STAT4: variants seen among roughly 807,000 people sequenced by gnomAD.
STAT4 encodes signal transducer and activator of transcription 4.
A neutral mutation model predicts 110.5 loss-of-function variants in STAT4; 42 were observed. The observed-to-expected ratio is 0.38, with a 90% CI of 0.30 to 0.49. The LOEUF (loss-of-function observed/expected upper bound fraction) is 0.49, where lower values mean the gene tolerates loss of function less well. Ranked by LOEUF, STAT4 falls within the 20% of genes least tolerant of loss-of-function variation. STAT4 has a pLI of 0.95. For missense variants in STAT4, 632 were observed against 887.9 expected (o/e 0.71, Z 3.66); for synonymous variants, 284 against 302.2 (o/e 0.94, Z 0.63).
chr2:191,151,575 C>G (rs1234362659), upstream of STAT4: 2 of 985,514 alleles, frequency 2.0e-6, no homozygotes, highest in South Asian at 9.4e-5. The surrounding 1 kb of genome is among the most constrained non-coding windows in gnomAD (Gnocchi z 4.7). Context: ...TCCTCCTACT[C>G]TCCTTGAGTA....
chr2:191,119,087 A>G (rs991797551), intron 3 of STAT4, among the ~76,000 whole-genome samples: 3 of 152,174 alleles, frequency 2.0e-5, no homozygotes, highest in Non-Finnish European at 2.9e-5. Flanking sequence ...GTTTCGATGC[A>G]CAGAGTTAAG....
rs1474458095 is a variant in STAT4 at position 191,086,661 on chromosome 2, A to C, written c.274-10336T>G. 6.6e-6 allele frequency among the ~76,000 whole-genome samples: 1 copy of C among 151,948 alleles called. No homozygotes were observed. The highest frequency in any genetic ancestry group is 1.5e-5 in the Non-Finnish European group (1 of 68,000). ...ATTCTAGCCTTGTCTATTCTTTTTC[A>C]GTTTTTAGTATTTGCTACAATTTAG... On this transcript the variant is annotated intron_variant, in intron 3 of 23. Transcript: ENST00000392320. This position sits in a 1 kb window ranked among gnomAD's most constrained non-coding sequence, Gnocchi z 5.5.
At chr2:191,081,547 G>A (rs550375762) in intron 3 of STAT4, among the ~76,000 whole-genome samples, 1 of 152,338 alleles carries the variant, frequency 6.6e-6, no homozygotes, top group Non-Finnish European at 1.5e-5. Flanking sequence ...ACTGGCGTGA[G>A]ATGGTATCTT....
rs1456520933 is a variant in STAT4 at position 191,142,675 on chromosome 2, C to T, written c.273+3938G>A. ...AATAATCCAAATACCCTGACTTAAT[C>T]ATTACACATTCTATGCATGGAATAA... On this transcript the variant is annotated intron_variant, in intron 3 of 23. Transcript: ENST00000392320. The surrounding 1 kb of genome is among the most constrained non-coding windows in gnomAD (Gnocchi z 4.1). 2.6e-5 allele frequency among the ~76,000 whole-genome samples: 4 copies of T among 152,062 alleles called. No individual in the cohort carries two copies. Among genetic ancestry groups the T allele is most frequent in the Non-Finnish European group, 5.9e-5 (4 of 68,010 alleles).
At chr2:191,108,307 C>T (rs767263148) in intron 3 of STAT4, among the ~76,000 whole-genome samples, 1 of 148,056 alleles carries the variant, frequency 6.8e-6, no homozygotes, top group Non-Finnish European at 1.5e-5. Flanking sequence ...AAAAAAAAGA[C>T]GTTATCATTG....
rs1356933453 is a variant in STAT4 at position 191,077,495 on chromosome 2, G to A, written c.274-1170C>T. Among the ~76,000 whole-genome samples, 2 of 152,226 alleles carry A rather than the reference G, an allele frequency of 1.3e-5. No individual in the cohort carries two copies. The highest frequency in any genetic ancestry group is 6.5e-5 in the Admixed American group (1 of 15,292). On this transcript the variant is annotated intron_variant, in intron 3 of 23. Coordinates refer to ENST00000392320, the MANE Select transcript of STAT4 (RefSeq NM_003151.4). The surrounding 1 kb of genome is among the most constrained non-coding windows in gnomAD (Gnocchi z 4.1). ...TTAGTTTCCCTCAGCCCTCCTCCCT[G>A]AAGCTGGTGTGAATATATATGAAAT...
chr2:191,138,461 A>C lies in STAT4; in HGVS notation c.273+8152T>G, dbSNP rs1353662982. On this transcript the variant is annotated intron_variant, in intron 3 of 23. Transcript: ENST00000392320. The surrounding 1 kb of genome is among the most constrained non-coding windows in gnomAD (Gnocchi z 4.3). ...CCGCAGAAATACAAAAGATTAGCTAAGGCTATTATGAACACTTTTATGTGC... is the reference window on the plus strand; with the variant it reads ...CCGCAGAAATACAAAAGATTAGCTACGGCTATTATGAACACTTTTATGTGC... Among the ~76,000 whole-genome samples, 1 of 152,222 alleles carries C rather than the reference A, an allele frequency of 6.6e-6. No individual in the cohort carries two copies. Among genetic ancestry groups the C allele is most frequent in the Non-Finnish European group, 1.5e-5 (1 of 68,038 alleles).
chr2:191,057,679 A>G (rs1574716059), intron 13 of STAT4, among the ~76,000 whole-genome samples: 1 of 148,390 alleles, frequency 6.7e-6, no homozygotes, highest in Non-Finnish European at 1.5e-5. Context: ...GCTCACTGCA[A>G]CCTCCGTCTG....
At chr2:191,094,714 T>C (rs1001205861) in intron 3 of STAT4, among the ~76,000 whole-genome samples, 1 of 152,078 alleles carries the variant, frequency 6.6e-6, no homozygotes, top group Admixed American at 6.6e-5. Flanking sequence ...AGCATCATAA[T>C]GACAGGATCA....
chr2:191,092,478 G>A (rs1048280357), intron 3 of STAT4, among the ~76,000 whole-genome samples: 1 of 151,598 alleles, frequency 6.6e-6, no homozygotes, highest in African/African-American at 2.4e-5. Context: ...CATTTTAATG[G>A]TAGGAAATGG....
At chr2:191,115,856 A>G (rs1436772646) in intron 3 of STAT4, among the ~76,000 whole-genome samples, 1 of 152,146 alleles carries the variant, frequency 6.6e-6, no homozygotes, top group African/African-American at 2.4e-5. Flanking sequence ...AATAAACTTC[A>G]ATTTGGGAGG....
At chr2:191,079,270 A>G (rs544041876) in intron 3 of STAT4, among the ~76,000 whole-genome samples, 304 of 106,712 alleles carry the variant, frequency 2.8e-3, no homozygotes, top group African/African-American at 8.8e-3. Flanking sequence ...CTGGTTGAGA[A>G]TTTGAATGAC....
intron 8 of STAT4, among the ~76,000 whole-genome samples, chr2:191,063,401 G>A (rs1396090470): frequency 6.6e-6 from 1 of 152,180 alleles, no homozygotes; most frequent in Non-Finnish European, 1.5e-5. Flanking sequence ...CAAGTCCTAA[G>A]TACTAGCCAA....
Position 191,091,464 on chromosome 2 carries a change from T to C in STAT4, c.274-15139A>G, listed in dbSNP as rs972139371. Among the ~76,000 whole-genome samples the C allele has an allele frequency of 1.3e-5, 2 of 152,342 alleles. No individual in the cohort carries two copies. The highest frequency in any genetic ancestry group is 4.8e-5 in the African/African-American group (2 of 41,584). On this transcript the variant is annotated intron_variant, in intron 3 of 23. Transcript: ENST00000392320. This position sits in a 1 kb window ranked among gnomAD's most constrained non-coding sequence, Gnocchi z 5.4. Reference sequence around the variant, plus strand: ...ACATTAAAAACATAAATTCTAAATGTGAGAGACTTGTTATTATAAAAATAT... The same window carrying C: ...ACATTAAAAACATAAATTCTAAATGCGAGAGACTTGTTATTATAAAAATAT...
intron 4 of STAT4, 31 bp downstream of exon 4, chr2:191,076,196 A>G (rs746746998): frequency 6.4e-7 from 1 of 1,573,278 alleles, no homozygotes; most frequent in African/African-American, 1.4e-5. Context: ...GTTCAAGGTG[A>G]TAACAAGATC....
chr2:191,084,669 A>C (rs1315173441), intron 3 of STAT4, among the ~76,000 whole-genome samples: 2 of 152,128 alleles, frequency 1.3e-5, no homozygotes, highest in African/African-American at 4.8e-5. Context: ...GGTTTGAGAA[A>C]AATTAATCTT....
rs1697639308 is a variant in STAT4 at position 191,086,471 on chromosome 2, A to G, written c.274-10146T>C. Among the ~76,000 whole-genome samples the G allele has an allele frequency of 6.6e-6, 1 of 152,246 alleles. No homozygotes were observed. The highest frequency in any genetic ancestry group is 1.5e-5 in the Non-Finnish European group (1 of 68,036). On this transcript the variant is annotated intron_variant, in intron 3 of 23. Transcript: ENST00000392320. The surrounding 1 kb of genome is among the most constrained non-coding windows in gnomAD (Gnocchi z 5.5). ...TTAAAAAGAGCCTGTATAGCAAATA[A>G]TTACTTTCAATGCATTTTATACAAA...
rs756575773 is a variant in STAT4 at position 191,146,824 on chromosome 2, C to A, written c.129-67G>T. 3 of 1,400,124 alleles carry A rather than the reference C, an allele frequency of 2.1e-6. No individual in the cohort carries two copies. The highest frequency in any genetic ancestry group is 2.8e-6 in the Non-Finnish European group (3 of 1,065,306). The allele number at this position is 1,400,124 out of a possible 1,614,324, so 86.7% of individuals were successfully genotyped here. On this transcript the variant is annotated intron_variant, in intron 2 of 23. Coordinates refer to ENST00000392320, the MANE Select transcript of STAT4 (RefSeq NM_003151.4). This position sits in a 1 kb window ranked among gnomAD's most constrained non-coding sequence, Gnocchi z 4.5. Reference sequence around the variant, plus strand: ...GTAAAATGTCTACTTTTTTACCATACTAACTTTAAAACAATAAACCTATTA... The same window carrying A: ...GTAAAATGTCTACTTTTTTACCATAATAACTTTAAAACAATAAACCTATTA...
chr2:191,142,889 T>C lies in STAT4; in HGVS notation c.273+3724A>G, dbSNP rs933861324. On this transcript the variant is annotated intron_variant, in intron 3 of 23. Transcript: ENST00000392320. This position sits in a 1 kb window ranked among gnomAD's most constrained non-coding sequence, Gnocchi z 4.1. Reference sequence around the variant, plus strand: ...GCCATGAAACTCTCTAGTATGATATTGTAATGGTAGATATATGACATTATG... The same window carrying C: ...GCCATGAAACTCTCTAGTATGATATCGTAATGGTAGATATATGACATTATG... Among the ~76,000 whole-genome samples, 7 of 152,150 alleles carry C rather than the reference T, an allele frequency of 4.6e-5. No individual in the cohort carries two copies. Among genetic ancestry groups the C allele is most frequent in the African/African-American group, 1.7e-4 (7 of 41,434 alleles).
Sources: allele counts gnomAD v4.1 joint callset (sites outside exome capture counted in the v4.1 genomes callset), GRCh38; gene constraint gnomAD v4.1.1; non-coding constraint Gnocchi (gnomAD v3.1); transcripts MANE v1.5; gene names NCBI Gene and HGNC (gene_info 2026-07-23, HGNC 2026-07-21).